The following SUGCT variants were observed in gnomAD, a reference collection of about 807,000 sequenced individuals.
SUGCT encodes the protein succinyl-CoA:glutarate-CoA transferase.
SUGCT carries 41 observed loss-of-function variants against 55.0 expected under a neutral mutation model. The ratio of observed to expected loss-of-function variants is 0.74; its 90% CI spans 0.58 to 0.97. The LOEUF is 0.97. SUGCT is among the 50% of genes least tolerant of loss of function. SUGCT has a pLI of 0.00. For missense variants in SUGCT, 568 were observed against 547.8 expected (o/e 1.04, Z -0.37); for synonymous variants, 187 against 200.4 (o/e 0.93, Z 0.56).
chr7:40,249,127 G>A (rs1009603733), intron 7 of SUGCT, among the ~76,000 whole-genome samples: 1 of 151,230 alleles, frequency 6.6e-6, no homozygotes, highest in Non-Finnish European at 1.5e-5. Context: ...CCTGTCTCTA[G>A]TAAAAATTTA....
chr7:40,526,760 G>A (rs1442647011), intron 12 of SUGCT, among the ~76,000 whole-genome samples: 2 of 152,180 alleles, frequency 1.3e-5, no homozygotes, highest in African/African-American at 4.8e-5. Flanking sequence ...GTCAGCAGGT[G>A]ACAAATTTCA....
intron 12 of SUGCT, among the ~76,000 whole-genome samples, chr7:40,616,186 T>C (rs1292740640): frequency 6.6e-6 from 1 of 152,150 alleles, no homozygotes; most frequent in Non-Finnish European, 1.5e-5. Context: ...GAACTAGGTA[T>C]GTTAAAGTAG....
At chr7:40,985,399 G>T in the SUGCT span, among the ~76,000 whole-genome samples, 1 of 152,160 alleles carries the variant, frequency 6.6e-6, no homozygotes, top group Non-Finnish European at 1.5e-5. Flanking sequence ...TAATGAAAAT[G>T]CTGGTGATGG....
At chr7:40,658,328 C>G (rs529039943) in intron 12 of SUGCT, among the ~76,000 whole-genome samples, 23 of 152,238 alleles carry the variant, frequency 1.5e-4, no homozygotes, top group African/African-American at 5.1e-4. Context: ...ATGTTGAACC[C>G]CTTCCCCCTT....
At chr7:40,221,991 G>A (rs563050782) in intron 6 of SUGCT, among the ~76,000 whole-genome samples, 1 of 152,348 alleles carries the variant, frequency 6.6e-6, no homozygotes, top group South Asian at 2.1e-4. Context: ...AGAATGTCTG[G>A]AGGGCTGTGG....
At chr7:40,575,956 A>AAAAAAG (rs1554373025) in intron 12 of SUGCT, among the ~76,000 whole-genome samples, 1 of 151,926 alleles carries the variant, frequency 6.6e-6, no homozygotes. Context: ...AAAAAAAAAA[A>AAAAAAG]AAAAAGAAAA....
the SUGCT span, among the ~76,000 whole-genome samples, chr7:40,916,897 A>C: frequency 6.6e-6 from 1 of 152,234 alleles, no homozygotes; most frequent in African/African-American, 2.4e-5. Flanking sequence ...TTAGAAACAC[A>C]TGATTGATTG....
chr7:40,349,859 AG>A (rs567133342), intron 9 of SUGCT, among the ~76,000 whole-genome samples: 53 of 152,268 alleles, frequency 3.5e-4, no homozygotes, highest in Admixed American at 8.5e-4. Flanking sequence ...TAATATTTTT[AG>A]TAGAGATGAG....
At chr7:40,562,095 C>T (rs892653328) in intron 12 of SUGCT, among the ~76,000 whole-genome samples, 1 of 150,924 alleles carries the variant, frequency 6.6e-6, no homozygotes, top group Non-Finnish European at 1.5e-5. Flanking sequence ...GTCAGGAGAT[C>T]GAGACCATCC....
intron 13 of SUGCT, among the ~76,000 whole-genome samples, chr7:40,844,300 T>A (rs189692684): frequency 6.9e-4 from 105 of 152,132 alleles, no homozygotes; most frequent in African/African-American, 2.4e-3. Flanking sequence ...GTATCCAAGT[T>A]TTTGTCCAGT....
intron 13 of SUGCT, among the ~76,000 whole-genome samples, chr7:40,852,576 T>C (rs1793903626): frequency 6.6e-6 from 1 of 151,426 alleles, no homozygotes; most frequent in Non-Finnish European, 1.5e-5. Context: ...GTACCTCTCT[T>C]CTGTTAAATT....
At chr7:41,014,250 T>C in the SUGCT span, among the ~76,000 whole-genome samples, 4 of 152,178 alleles carry the variant, frequency 2.6e-5, no homozygotes, top group African/African-American at 9.7e-5. Flanking sequence ...GTTGTATATA[T>C]GCGTGTATGT....
intron 12 of SUGCT, among the ~76,000 whole-genome samples, chr7:40,710,708 T>G (rs1785665104): frequency 6.6e-6 from 1 of 152,120 alleles, no homozygotes; most frequent in Non-Finnish European, 1.5e-5. Flanking sequence ...ATAATTTTAT[T>G]TGAGTGGAGA....
At chr7:41,000,837 A>G in the SUGCT span, among the ~76,000 whole-genome samples, 8 of 152,326 alleles carry the variant, frequency 5.3e-5, no homozygotes, top group African/African-American at 1.9e-4. Flanking sequence ...AGACAGAGGC[A>G]CAACATATTT....
At chr7:40,184,845 T>A (rs1038237861) in intron 3 of SUGCT, among the ~76,000 whole-genome samples, 1 of 152,208 alleles carries the variant, frequency 6.6e-6, no homozygotes, top group African/African-American at 2.4e-5. Context: ...TAAAGTAGAA[T>A]ATCTTTTTGT....
At chr7:40,357,092 C>T (rs73688060) in intron 9 of SUGCT, among the ~76,000 whole-genome samples, 6,099 of 152,216 alleles carry the variant, frequency 0.04, 369 homozygotes, top group African/African-American at 0.13. Flanking sequence ...GGCTCAAAAA[C>T]GAACCACTCA....
intron 13 of SUGCT, among the ~76,000 whole-genome samples, chr7:40,848,998 T>C (rs534309161): frequency 6.6e-6 from 1 of 152,294 alleles, no homozygotes; most frequent in South Asian, 2.1e-4. Flanking sequence ...AGGGAAATTG[T>C]GCAATAACTT....
chr7:41,020,510 G>A, the SUGCT span, among the ~76,000 whole-genome samples: 1 of 152,178 alleles, frequency 6.6e-6, no homozygotes, highest in Admixed American at 6.5e-5. Flanking sequence ...AAGATAAATA[G>A]TGATGACTGA....
intron 9 of SUGCT, among the ~76,000 whole-genome samples, chr7:40,430,314 C>A (rs922930724): frequency 5.9e-5 from 9 of 152,208 alleles, no homozygotes; most frequent in Non-Finnish European, 2.9e-5. Flanking sequence ...TTTCTCCACA[C>A]TCTTACCAAC....
Sources: allele counts gnomAD v4.1 joint callset (sites outside exome capture counted in the v4.1 genomes callset), GRCh38; gene constraint gnomAD v4.1.1; transcripts MANE v1.5; gene names NCBI Gene and HGNC (gene_info 2026-07-23, HGNC 2026-07-21).